TMEM38B: variants seen among roughly 807,000 people sequenced by gnomAD.
The protein encoded by TMEM38B is trimeric intracellular cation channel type B.
In TMEM38B, 24 loss-of-function variants were observed where a neutral mutation model predicts 28.7. The observed-to-expected ratio is 0.84, with a 90% CI of 0.61 to 1.18. TMEM38B has a LOEUF of 1.18. TMEM38B is among the 50% of genes most tolerant of loss of function. TMEM38B has a pLI of 0.00. For missense variants in TMEM38B, 380 were observed against 350.9 expected (o/e 1.08, Z -0.66); for synonymous variants, 131 against 127.7 (o/e 1.03, Z -0.17).
intron 4 of TMEM38B, among the ~76,000 whole-genome samples, chr9:105,744,419 A>AT (rs1837313686): frequency 6.6e-6 from 1 of 152,000 alleles, no homozygotes; most frequent in African/African-American, 2.4e-5. Flanking sequence ...TAATCTGAAT[A>AT]TTTTTGCAAA....
At chr9:105,765,158 C>A (rs920172227) in intron 5 of TMEM38B, among the ~76,000 whole-genome samples, 1 of 152,026 alleles carries the variant, frequency 6.6e-6, no homozygotes, top group African/African-American at 2.4e-5. Flanking sequence ...TATGCTGAAA[C>A]TTTTTTTGTT....
At chr9:105,753,623 A>T (rs933218299) in intron 5 of TMEM38B, among the ~76,000 whole-genome samples, 5 of 152,158 alleles carry the variant, frequency 3.3e-5, no homozygotes, top group African/African-American at 1.2e-4. Context: ...TGCCGAGGGA[A>T]TTCATGACCA....
chr9:105,766,209 T>C (rs78149589), intron 5 of TMEM38B, among the ~76,000 whole-genome samples: 8 of 152,362 alleles, frequency 5.3e-5, no homozygotes, highest in East Asian at 1.9e-4. Context: ...AAAATGGTTG[T>C]ATCATTTTAC....
intron 2 of TMEM38B, chr9:105,710,364 T>C (rs1835855462): frequency 2.6e-6 from 2 of 760,558 alleles, no homozygotes; most frequent in Non-Finnish European, 4.6e-6. Flanking sequence ...TATGATCTTC[T>C]ATAGTTGTTA....
intron 2 of TMEM38B, among the ~76,000 whole-genome samples, chr9:105,716,623 T>G (rs370304122): frequency 2.9e-5 from 3 of 104,118 alleles, no homozygotes; most frequent in Non-Finnish European, 5.3e-5. Flanking sequence ...ACAACATGAA[T>G]TTGAACTGTG....
chr9:105,729,278 C>T lies in TMEM38B; in HGVS notation c.542+6657C>T, dbSNP rs561094216. On this transcript the variant is annotated intron_variant, in intron 4 of 5. Coordinates refer to ENST00000374692, the MANE Select transcript of TMEM38B (RefSeq NM_018112.3). ...TTGTATAAGGTGTAAGGAAGGGATC[C>T]GGTTTCAGCTTTCTACATATGGCTA... 9.0e-4 allele frequency among the ~76,000 whole-genome samples: 137 copies of T among 152,258 alleles called. 1 individual carries two copies. The highest frequency in any genetic ancestry group is 3.2e-3 in the African/African-American group (133 of 41,566).
At chr9:105,730,166 G>C (rs1454198810) in intron 4 of TMEM38B, among the ~76,000 whole-genome samples, 3 of 152,112 alleles carry the variant, frequency 2.0e-5, no homozygotes, top group Non-Finnish European at 4.4e-5. Flanking sequence ...GGTTTTCAAA[G>C]GGAATGCGTC....
At chr9:105,708,272 G>A (rs182724735) in intron 2 of TMEM38B, among the ~76,000 whole-genome samples, 21 of 152,224 alleles carry the variant, frequency 1.4e-4, no homozygotes, top group Admixed American at 1.2e-3. Context: ...TAACAATAAT[G>A]TGTAACAACT....
intron 4 of TMEM38B, among the ~76,000 whole-genome samples, chr9:105,737,261 T>C (rs1327915163): frequency 6.6e-6 from 1 of 152,140 alleles, no homozygotes; most frequent in Non-Finnish European, 1.5e-5. Flanking sequence ...GATGTAGCTG[T>C]GACTCTAATC....
rs1835216163 is a variant in TMEM38B, at chr9:105,694,722, T to G, written c.62T>G (p.Phe21Cys). 6.2e-7 allele frequency: 1 copy of G among 1,613,966 alleles called. No individual in the cohort carries two copies. Among genetic ancestry groups the G allele is most frequent in the African/African-American group, 1.3e-5 (1 of 75,010 alleles). ...AFSRTSMFPF[F>C]DIAHYLVSVM... Reference sequence around the variant, plus strand: ...TCCCGCACGTCCATGTTTCCCTTTTTTGACATCGCGCACTATCTAGTGTCA... The same window carrying G: ...TCCCGCACGTCCATGTTTCCCTTTTGTGACATCGCGCACTATCTAGTGTCA... Residue 21 changes from phenylalanine to cysteine, a missense_variant, in exon 1 of 6, where the codon TTT becomes TGT. By Grantham distance (205) the Phe-to-Cys change is radical. Coordinates refer to ENST00000374692, the MANE Select transcript of TMEM38B (RefSeq NM_018112.3).
At chr9:105,708,071 A>G (rs1835748325) in intron 2 of TMEM38B, among the ~76,000 whole-genome samples, 2 of 152,224 alleles carry the variant, frequency 1.3e-5, no homozygotes, top group South Asian at 4.1e-4. Flanking sequence ...GGAGCTTCCT[A>G]AGTGGTCTTG....
intron 5 of TMEM38B, among the ~76,000 whole-genome samples, chr9:105,751,783 A>G (rs892749583): frequency 4.6e-5 from 7 of 152,202 alleles, no homozygotes; most frequent in Non-Finnish European, 1.0e-4. Context: ...AACAGTCCAG[A>G]TGAGGAAGGG....
Position 105,774,274 on chromosome 9 carries a change from CAT to C in TMEM38B, c.*195_*196del, listed in dbSNP as rs1826658610. The stretch of plus-strand genomic sequence containing the variant: ...TATTTGTAGAGTGTTACGAGTGTAT[CAT>C]GTGATTATGCTTTACCGGTATAAGA... On this transcript the variant is annotated 3_prime_UTR_variant, in exon 6 of 6. Coordinates refer to ENST00000374692, the MANE Select transcript of TMEM38B (RefSeq NM_018112.3). 9.5e-6 allele frequency: 5 copies of C among 526,784 alleles called. No individual in the cohort carries two copies. Among genetic ancestry groups the C allele is most frequent in the Non-Finnish European group, 1.3e-5 (4 of 298,968 alleles). 32.6% of individuals were successfully genotyped at this position (526,784 alleles called of 1,614,324 possible).
chr9:105,761,924 A>C (rs1838065372), intron 5 of TMEM38B, among the ~76,000 whole-genome samples: 1 of 152,170 alleles, frequency 6.6e-6, no homozygotes, highest in Non-Finnish European at 1.5e-5. Flanking sequence ...TCATTAGAAG[A>C]AAATGCTTGC....
chr9:105,705,890 T>A, intron 2 of TMEM38B, 137 bp downstream of exon 2: 3 of 829,166 alleles, frequency 3.6e-6, no homozygotes, highest in Admixed American at 3.0e-5. Flanking sequence ...GGAACCCAAA[T>A]AATGCTAAGG....
intron 2 of TMEM38B, among the ~76,000 whole-genome samples, chr9:105,714,055 G>A (rs1265512772): frequency 4.5e-5 from 5 of 111,174 alleles, no homozygotes; most frequent in East Asian, 5.3e-4. Context: ...CAGATGTGGG[G>A]ATGACCAGCT....
intron 1 of TMEM38B, chr9:105,702,647 T>A (rs549273220): frequency 2.0e-5 from 3 of 151,944 alleles, no homozygotes; most frequent in Non-Finnish European, 2.9e-5. Context: ...TTATTTTTCT[T>A]TGTAGCTTTC....
chr9:105,727,471 G>C (rs1325273403), intron 4 of TMEM38B, among the ~76,000 whole-genome samples: 2 of 152,208 alleles, frequency 1.3e-5, no homozygotes, highest in Non-Finnish European at 2.9e-5. Flanking sequence ...GGGACCAGAA[G>C]TGTTGTGGAT....
chr9:105,734,684 C>G (rs1404864399), intron 4 of TMEM38B, among the ~76,000 whole-genome samples: 2 of 152,000 alleles, frequency 1.3e-5, no homozygotes, highest in Non-Finnish European at 2.9e-5. Flanking sequence ...TCATTAAATA[C>G]TGACCTTTGT....
Sources: gnomAD v4.1 joint callset for allele counts (sites outside exome capture counted in the v4.1 genomes callset) on GRCh38, gnomAD v4.1.1 for gene constraint, MANE v1.5 for transcripts, NCBI Gene and HGNC (gene_info 2026-07-23, HGNC 2026-07-21) for gene names.